CDYL2: variants seen among roughly 807,000 people sequenced by gnomAD.
CDYL2 encodes chromodomain Y-like protein 2.
Under a neutral mutation model 49.4 loss-of-function variants are expected in CDYL2, and 23 were observed. The ratio of observed to expected loss-of-function variants is 0.47; its 90% CI spans 0.34 to 0.66. The LOEUF (loss-of-function observed/expected upper bound fraction) is 0.66. Ranked by LOEUF, CDYL2 falls within the 30% of genes least tolerant of loss-of-function variation. The pLI, the probability that CDYL2 is intolerant of heterozygous loss-of-function variation, is 0.01. For synonymous variants in CDYL2, 360 were observed against 268.8 expected, an observed-to-expected ratio of 1.34 and a Z score of -3.32; for missense variants, 678 against 656.4, an observed-to-expected ratio of 1.03 and a Z score of -0.36.
At chr16:80,798,429 C>G (rs1907830498) in intron 1 of CDYL2, among the ~76,000 whole-genome samples, 1 of 152,148 alleles carries the variant, frequency 6.6e-6, no homozygotes. Context: ...TCCTCCTCCT[C>G]CTCAGTCTAC....
intron 1 of CDYL2, among the ~76,000 whole-genome samples, chr16:80,799,447 C>T (rs187727397): frequency 1.3e-5 from 2 of 152,282 alleles, no homozygotes; most frequent in Admixed American, 6.5e-5. Flanking sequence ...AAGTGCCTCT[C>T]ATATATTTGG....
chr16:80,638,072 G>C lies in CDYL2; in HGVS notation c.617-4836C>G, dbSNP rs556014545. 4.6e-5 allele frequency among the ~76,000 whole-genome samples: 7 copies of C among 150,542 alleles called. No individual in the cohort carries two copies. In the East Asian group the frequency reaches 1.4e-3, roughly 29 times the overall value. ...AATAATCTGTGTTAATGAATTGAAA[G>C]ACTCCATTTTTTTTTTTCTTGAGAC... On this transcript the variant is annotated intron_variant, in intron 2 of 6. Transcript: ENST00000570137.
rs1327523440 is a variant in CDYL2, at chr16:80,612,502, G to A, written c.1218+124C>T. 2 of 935,262 alleles carry A rather than the reference G, an allele frequency of 2.1e-6. No individual in the cohort carries two copies. Among genetic ancestry groups the A allele is most frequent in the Non-Finnish European group, 3.2e-6 (2 of 622,506 alleles). The allele number at this position is 935,262 out of a possible 1,614,324, so 57.9% of individuals were successfully genotyped here. On this transcript the variant is annotated intron_variant, in intron 5 of 6. Coordinates refer to ENST00000570137, the MANE Select transcript of CDYL2 (RefSeq NM_152342.4). The surrounding 1 kb of genome is among the most constrained non-coding windows in gnomAD (Gnocchi z 5.0). ...GGCACTGAAGGTGTGAAGGACATGA[G>A]GCAGCCAAGCCAATCTGCAGGCTGA... is the stretch of plus-strand genomic sequence containing the variant.
intron 1 of CDYL2, among the ~76,000 whole-genome samples, chr16:80,730,786 A>C (rs1905300515): frequency 6.6e-6 from 1 of 152,238 alleles, no homozygotes. Context: ...AAAAAGAATG[A>C]ATTACTGATA....
intron 2 of CDYL2, among the ~76,000 whole-genome samples, chr16:80,665,944 T>C (rs1329042006): frequency 1.3e-5 from 2 of 152,120 alleles, no homozygotes; most frequent in Non-Finnish European, 2.9e-5. Flanking sequence ...TAAAACCTAA[T>C]ATCCTAGGAT....
chr16:80,658,599 T>C lies in CDYL2; in HGVS notation c.617-25363A>G, dbSNP rs1597153626. ...TGGAAGAAGACATACAAATATGGGATGCAGAGAGGCAAGGAAGAATCCAGT... is the reference window on the plus strand; with the variant it reads ...TGGAAGAAGACATACAAATATGGGACGCAGAGAGGCAAGGAAGAATCCAGT... On this transcript the variant is annotated intron_variant, in intron 2 of 6. Coordinates refer to ENST00000570137, the MANE Select transcript of CDYL2 (RefSeq NM_152342.4). Among the ~76,000 whole-genome samples the C allele has an allele frequency of 3.3e-5, 5 of 152,176 alleles. No homozygotes were observed. The South Asian group carries it at 1.0e-3, about 31-fold the overall frequency.
intron 5 of CDYL2, among the ~76,000 whole-genome samples, chr16:80,609,547 T>C (rs755390409): frequency 1.3e-5 from 2 of 152,230 alleles, no homozygotes; most frequent in African/African-American, 2.4e-5. Context: ...AATGGAGGAC[T>C]TGATACTTTC....
At chr16:80,646,319 G>C (rs1390556035) in intron 2 of CDYL2, among the ~76,000 whole-genome samples, 1 of 151,634 alleles carries the variant, frequency 6.6e-6, no homozygotes, top group Non-Finnish European at 1.5e-5. Flanking sequence ...ATCATAACCA[G>C]ACAAAAATCA....
chr16:80,765,726 C>T (rs949359275), intron 1 of CDYL2, among the ~76,000 whole-genome samples: 11 of 97,728 alleles, frequency 1.1e-4, no homozygotes, highest in African/African-American at 4.3e-4. Flanking sequence ...GAGTATTAAT[C>T]GCAAAAAAAA....
At chr16:80,732,871 C>A (rs1041375945) in intron 1 of CDYL2, among the ~76,000 whole-genome samples, 1 of 118,348 alleles carries the variant, frequency 8.4e-6, no homozygotes, top group Non-Finnish European at 2.2e-5. Flanking sequence ...AAACAAGGGT[C>A]AAGTTGGGAA....
intron 3 of CDYL2, 109 bp downstream of exon 3, chr16:80,632,910 G>C (rs757353000): frequency 9.2e-7 from 1 of 1,091,290 alleles, no homozygotes; most frequent in Non-Finnish European, 1.4e-6. Flanking sequence ...ATGCACGCTA[G>C]TTACCATCCT....
In CDYL2 at chr16:80,714,347, G is replaced by A. The variant is rs145985952; in HGVS notation, c.25-29218C>T. Among the ~76,000 whole-genome samples, 805 of 152,088 alleles carry A rather than the reference G, an allele frequency of 5.3e-3. 7 individuals carry two copies. Among genetic ancestry groups the A allele is most frequent in the African/African-American group, 0.018 (728 of 41,510 alleles). The stretch of plus-strand genomic sequence containing the variant: ...AGAAGATTTTGAATGTTCCCCACAC[G>A]AAGAAATGATAAATGTTTGAGGTAA... On this transcript the variant is annotated intron_variant, in intron 1 of 6. Transcript: ENST00000570137.
At chr16:80,716,366 C>T (rs1367068767) in intron 1 of CDYL2, among the ~76,000 whole-genome samples, 1 of 152,180 alleles carries the variant, frequency 6.6e-6, no homozygotes, top group African/African-American at 2.4e-5. Context: ...ACCACAGCTC[C>T]TGACATACTG....
In CDYL2 at chr16:80,601,469, G is replaced by T. The variant is rs1271248380; in HGVS notation, c.*2919C>A. ...CCCAGGCTCTTGGGAGTGACTTATG[G>T]GGGAAGGTACGGGAAAATGGTAGAG... is the stretch of plus-strand genomic sequence containing the variant. On this transcript the variant is annotated 3_prime_UTR_variant, in exon 7 of 7. Coordinates refer to ENST00000570137, the MANE Select transcript of CDYL2 (RefSeq NM_152342.4). 6.6e-6 allele frequency: 1 copy of T among 152,292 alleles called. No individual in the cohort carries two copies. Among genetic ancestry groups the T allele is most frequent in the East Asian group, 1.9e-4 (1 of 5,174 alleles). 9.4% of individuals were successfully genotyped at this position (152,292 alleles called of 1,614,324 possible). A position where few individuals can be genotyped will look rare whatever the true frequency, so the allele number is the denominator to read the frequency against.
intron 3 of CDYL2, among the ~76,000 whole-genome samples, chr16:80,623,604 G>A (rs567669786): frequency 6.6e-6 from 1 of 152,202 alleles, no homozygotes. Flanking sequence ...GGGACCTGCA[G>A]GAAATTCATA....
rs192698830 is a variant in CDYL2, at chr16:80,767,353, T to C, written c.24+36797A>G. ...TATTTTACTTTGGAGACACTAAATA[T>C]ACTAAGCTGAATTTCTCAGGGAAGG... On this transcript the variant is annotated intron_variant, in intron 1 of 6. Transcript: ENST00000570137. Among the ~76,000 whole-genome samples the C allele has an allele frequency of 9.2e-5, 14 of 152,338 alleles. No homozygotes were observed. In the East Asian group the frequency reaches 2.7e-3, roughly 29 times the overall value.
chr16:80,774,067 AT>A (rs1334101286), intron 1 of CDYL2, among the ~76,000 whole-genome samples: 1 of 152,286 alleles, frequency 6.6e-6, no homozygotes, highest in East Asian at 1.9e-4. Context: ...TTACTTTATA[AT>A]TCATTAAAGT....
chr16:80,726,369 T>A (rs959827865), intron 1 of CDYL2, among the ~76,000 whole-genome samples: 8 of 152,242 alleles, frequency 5.3e-5, no homozygotes, highest in Non-Finnish European at 1.2e-4. Flanking sequence ...AATAACTGTA[T>A]AAATCCTACT....
At chr16:80,675,368 T>C (rs935923888) in intron 2 of CDYL2, among the ~76,000 whole-genome samples, 1 of 152,248 alleles carries the variant, frequency 6.6e-6, no homozygotes, top group African/African-American at 2.4e-5. Flanking sequence ...TGTTGCTATG[T>C]TGTTAAACTG....
Sources: allele counts gnomAD v4.1 joint callset (sites outside exome capture counted in the v4.1 genomes callset), GRCh38; gene constraint gnomAD v4.1.1; non-coding constraint Gnocchi (gnomAD v3.1); transcripts MANE v1.5; gene names NCBI Gene and HGNC (gene_info 2026-07-23, HGNC 2026-07-21).